Variants in RAB30 observed in about 807,000 individuals in gnomAD.
RAB30 encodes the protein RAB30, member RAS oncogene family.
A neutral mutation model predicts 25.1 loss-of-function variants in RAB30; 9 were observed. That is an observed-to-expected ratio of 0.36 (90% CI 0.22 to 0.63). The LOEUF is 0.63. Among genes scored for constraint, RAB30 ranks in the 20% least tolerant of loss-of-function variants. The pLI is 0.69. For missense variants in RAB30, 140 were observed against 243.5 expected (o/e 0.58, Z 2.83); for synonymous variants, 77 against 86.4 (o/e 0.89, Z 0.60).
rs1466615035 is a variant in RAB30 at position 82,976,442 on chromosome 11, CCTAAA to C, written c.*5718_*5722del. ...TTGTGGCATACTAGAACTCCTCACA[CCTAAA>C]CTAGTGTTTCCCCTTCTATATAACT... On this transcript the variant is annotated 3_prime_UTR_variant, in exon 5 of 5. Transcript: ENST00000527633. The C allele has an allele frequency of 6.6e-6, 1 of 152,186 alleles. No individual in the cohort carries two copies. The highest frequency in any genetic ancestry group is 1.5e-5 in the Non-Finnish European group (1 of 68,038). The allele number at this position is 152,186 out of a possible 1,614,324, so 9.4% of individuals were successfully genotyped here.
chr11:82,989,242 C>A (rs1856800729), intron 3 of RAB30, among the ~76,000 whole-genome samples: 1 of 152,148 alleles, frequency 6.6e-6, no homozygotes, highest in Non-Finnish European at 1.5e-5. Context: ...AGGACTCATT[C>A]CATGCTCCCA....
At chr11:83,063,963 A>G (rs1030360185) in intron 1 of RAB30, among the ~76,000 whole-genome samples, 2 of 152,236 alleles carry the variant, frequency 1.3e-5, no homozygotes, top group Admixed American at 6.5e-5. Flanking sequence ...TACATGTGCT[A>G]TAATAATATT....
chr11:82,978,121 C>A lies in RAB30; in HGVS notation c.*4044G>T, dbSNP rs184956588. 6.6e-6 allele frequency: 1 copy of A among 152,216 alleles called. No homozygotes were observed. The highest frequency in any genetic ancestry group is 1.9e-4 in the East Asian group (1 of 5,188). 9.4% of individuals were successfully genotyped at this position (152,216 alleles called of 1,614,324 possible). A position where few individuals can be genotyped will look rare whatever the true frequency, so the allele number is the denominator to read the frequency against. On this transcript the variant is annotated 3_prime_UTR_variant, in exon 5 of 5. Coordinates refer to ENST00000527633, the MANE Select transcript of RAB30 (RefSeq NM_001286060.2). ...AAATGTTGTTTCACAGCTTTTAATT[C>A]TTTAGCGAAGTCTCAAAAGTATCAT...
chr11:83,003,149 T>C (rs1433147114), intron 1 of RAB30, among the ~76,000 whole-genome samples: 1 of 152,208 alleles, frequency 6.6e-6, no homozygotes, highest in African/African-American at 2.4e-5. Flanking sequence ...TAGAGAGCAC[T>C]GTGTGGTTTC....
intron 3 of RAB30, among the ~76,000 whole-genome samples, chr11:82,992,621 G>C (rs1208256318): frequency 3.9e-5 from 6 of 152,018 alleles, no homozygotes; most frequent in Non-Finnish European, 7.4e-5. Flanking sequence ...AATCAAGGTA[G>C]AACTCTAAAA....
At chr11:83,056,635 A>G (rs1213845893) in intron 1 of RAB30, among the ~76,000 whole-genome samples, 1 of 152,212 alleles carries the variant, frequency 6.6e-6, no homozygotes, top group Non-Finnish European at 1.5e-5. Context: ...TCCACATAAA[A>G]TTGCAAATTG....
At chr11:83,067,028 T>C (rs1298658279) in intron 1 of RAB30, among the ~76,000 whole-genome samples, 1 of 152,188 alleles carries the variant, frequency 6.6e-6, no homozygotes, top group Non-Finnish European at 1.5e-5. Context: ...AGGCATTCTG[T>C]TGGGTGCCTG....
At chr11:83,050,932 C>T (rs1187543369) in intron 1 of RAB30, among the ~76,000 whole-genome samples, 1 of 152,200 alleles carries the variant, frequency 6.6e-6, no homozygotes, top group Non-Finnish European at 1.5e-5. Context: ...AAGCGAGACT[C>T]TGTCTCTTAA....
intron 1 of RAB30, among the ~76,000 whole-genome samples, chr11:83,060,875 T>C (rs559102129): frequency 5.3e-5 from 8 of 152,180 alleles, no homozygotes; most frequent in Non-Finnish European, 5.9e-5. Flanking sequence ...TTCAGTCTGC[T>C]GGGGGCCTGG....
At chr11:83,022,247 C>T (rs1432519574) in intron 1 of RAB30, among the ~76,000 whole-genome samples, 1 of 152,134 alleles carries the variant, frequency 6.6e-6, no homozygotes, top group Non-Finnish European at 1.5e-5. Flanking sequence ...GAAGCCTGGA[C>T]CTGCCAGGCT....
chr11:83,011,143 G>C (rs1017275232), intron 1 of RAB30, among the ~76,000 whole-genome samples: 1 of 152,194 alleles, frequency 6.6e-6, no homozygotes, highest in African/African-American at 2.4e-5. Context: ...CATTTTGTAT[G>C]TACCATAGAC....
At chr11:83,018,332 A>G (rs2121509658) in intron 1 of RAB30, among the ~76,000 whole-genome samples, 1 of 149,830 alleles carries the variant, frequency 6.7e-6, no homozygotes, top group South Asian at 2.1e-4. Flanking sequence ...GTTTCCTTTC[A>G]CCACATCTGC....
intron 1 of RAB30, among the ~76,000 whole-genome samples, chr11:83,057,153 A>T (rs1250443885): frequency 2.0e-5 from 3 of 151,476 alleles, no homozygotes; most frequent in African/African-American, 7.3e-5. Flanking sequence ...TCAACAAAAT[A>T]GTCTGTCTGA....
At chr11:83,062,603 C>T (rs913961194) in intron 1 of RAB30, among the ~76,000 whole-genome samples, 1 of 152,126 alleles carries the variant, frequency 6.6e-6, no homozygotes, top group Non-Finnish European at 1.5e-5. Context: ...AGACATGAAC[C>T]CTTTGACAAC....
intron 1 of RAB30, among the ~76,000 whole-genome samples, chr11:83,063,457 T>G (rs1378658362): frequency 6.6e-6 from 1 of 152,254 alleles, no homozygotes; most frequent in Non-Finnish European, 1.5e-5. Flanking sequence ...GGGAAAACTC[T>G]TGACTGCTTT....
chr11:83,017,850 G>A (rs1857473742), intron 1 of RAB30, among the ~76,000 whole-genome samples: 2 of 152,214 alleles, frequency 1.3e-5, no homozygotes, highest in Admixed American at 6.5e-5. Flanking sequence ...GTGTGTGCAA[G>A]TGTCTTTTTC....
At chr11:83,024,342 T>A (rs1352493884) in intron 1 of RAB30, among the ~76,000 whole-genome samples, 3 of 152,144 alleles carry the variant, frequency 2.0e-5, no homozygotes, top group African/African-American at 7.2e-5. Flanking sequence ...TCCCCACCCA[T>A]CTACATGCCA....
At position 83,048,837 on chromosome 11, in the gene RAB30, C is replaced by T. The variant is rs542088675; in HGVS notation, c.-9+22854G>A. 1.6e-4 allele frequency among the ~76,000 whole-genome samples: 25 copies of T among 152,298 alleles called. No homozygotes were observed. In the South Asian group the frequency reaches 4.1e-3, roughly 25 times the overall value. On this transcript the variant is annotated intron_variant, in intron 1 of 4. Coordinates refer to ENST00000527633, the MANE Select transcript of RAB30 (RefSeq NM_001286060.2). ...GCCAGCCCCAAACAGCCTCACCCACCGTCTCTCCAAATCCCATTGCTGTAA... is the reference window on the plus strand; with the variant it reads ...GCCAGCCCCAAACAGCCTCACCCACTGTCTCTCCAAATCCCATTGCTGTAA...
rs1856549133 is a variant in RAB30, at chr11:82,976,531, T to G, written c.*5634A>C. On this transcript the variant is annotated 3_prime_UTR_variant, in exon 5 of 5. Transcript: ENST00000527633. ...AACCACCACCGATTCCGTCAGGAAC[T>G]AGAACACAGCATCTCCAAAAATTCT... 2 of 152,194 alleles carry G rather than the reference T, an allele frequency of 1.3e-5. No homozygotes were observed. Among genetic ancestry groups the G allele is most frequent in the Admixed American group, 6.5e-5 (1 of 15,272 alleles). The allele number at this position is 152,194 out of a possible 1,614,324, so 9.4% of individuals were successfully genotyped here.
Sources: gnomAD v4.1 joint callset for allele counts (sites outside exome capture counted in the v4.1 genomes callset) on GRCh38, gnomAD v4.1.1 for gene constraint, MANE v1.5 for transcripts, NCBI Gene and HGNC (gene_info 2026-07-23, HGNC 2026-07-21) for gene names.